The following PTPRD variants were observed in gnomAD, a reference collection of about 807,000 sequenced individuals.
PTPRD encodes receptor-type tyrosine-protein phosphatase delta.
PTPRD carries 34 observed loss-of-function variants against 214.5 expected under a neutral mutation model. That is an observed-to-expected ratio of 0.16 (90% CI 0.12 to 0.21). The LOEUF (loss-of-function observed/expected upper bound fraction) is 0.21, where lower values mean the gene tolerates loss of function less well. Among genes scored for constraint, PTPRD ranks in the 10% least tolerant of loss-of-function variants. The probability of loss-of-function intolerance (pLI) is 1.00; values close to 1 mark genes in which losing one functional copy is unlikely to be tolerated. For synonymous variants in PTPRD, 1,128 were observed against 845.7 expected, an observed-to-expected ratio of 1.33 and a Z score of -5.79; for missense variants, 2,545 against 2,398.7, an observed-to-expected ratio of 1.06 and a Z score of -1.27.
intron 9 of PTPRD, among the ~76,000 whole-genome samples, chr9:9,208,097 C>A (rs1051893319): frequency 5.3e-5 from 7 of 132,978 alleles, no homozygotes; most frequent in Non-Finnish European, 1.1e-4. Flanking sequence ...TCACTGCAAG[C>A]TCCGCCTCCC....
At chr9:10,325,415 C>CTACT (rs1355600150) in intron 3 of PTPRD, among the ~76,000 whole-genome samples, 7 of 151,962 alleles carry the variant, frequency 4.6e-5, no homozygotes, top group Non-Finnish European at 8.8e-5. Flanking sequence ...CAAATACACA[C>CTACT]TACTACAAAC....
intron 7 of PTPRD, among the ~76,000 whole-genome samples, chr9:9,733,445 G>GT (rs776227674): frequency 2.1e-4 from 32 of 152,278 alleles, no homozygotes; most frequent in Non-Finnish European, 3.5e-4. Context: ...CAACATGACA[G>GT]TTTACTATCA....
chr9:9,143,735 T>C (rs2154482099), intron 10 of PTPRD, among the ~76,000 whole-genome samples: 1 of 152,342 alleles, frequency 6.6e-6, no homozygotes, highest in Non-Finnish European at 1.5e-5. Context: ...GAATAAACAG[T>C]TGACTCATCC....
intron 11 of PTPRD, among the ~76,000 whole-genome samples, chr9:8,788,253 A>ATTTTTTT (rs776984034): frequency 9.4e-5 from 8 of 85,258 alleles, no homozygotes; most frequent in African/African-American, 1.6e-4. Context: ...ATATAAGATG[A>ATTTTTTT]TTTTTTTTTT....
At chr9:10,049,441 A>AAAGAAAGAAAGAAAGAAAAG (rs1555515325) in intron 3 of PTPRD, among the ~76,000 whole-genome samples, 3,309 of 110,640 alleles carry the variant, frequency 0.03, 44 homozygotes, top group African/African-American at 0.044. Flanking sequence ...GAAAGAAAAG[A>AAAGAAAGAAAGAAAGAAAAG]AAAAAAAAAA....
chr9:9,259,256 T>C (rs1388445286), intron 9 of PTPRD, among the ~76,000 whole-genome samples: 1 of 151,868 alleles, frequency 6.6e-6, no homozygotes, highest in African/African-American at 2.4e-5. Flanking sequence ...TATAAAAAGC[T>C]ATGTGAGAAA....
At chr9:10,077,150 A>G (rs1000745033) in intron 3 of PTPRD, among the ~76,000 whole-genome samples, 2 of 152,170 alleles carry the variant, frequency 1.3e-5, no homozygotes, top group Admixed American at 6.6e-5. Flanking sequence ...ATAAAATGTT[A>G]TGTAACAATT....
At chr9:9,525,607 A>G (rs1457895563) in intron 8 of PTPRD, among the ~76,000 whole-genome samples, 1 of 152,068 alleles carries the variant, frequency 6.6e-6, no homozygotes, top group Non-Finnish European at 1.5e-5. Flanking sequence ...TTTGTTAAAT[A>G]ATTTTTTTTT....
intron 2 of PTPRD, among the ~76,000 whole-genome samples, chr9:10,451,086 T>C (rs1452964027): frequency 3.3e-5 from 5 of 151,914 alleles, no homozygotes; most frequent in Non-Finnish European, 5.9e-5. Flanking sequence ...TAGTCCACCA[T>C]ATTAAGAGGT....
At chr9:8,633,103 T>A (rs138424948) in intron 14 of PTPRD, among the ~76,000 whole-genome samples, 1 of 151,978 alleles carries the variant, frequency 6.6e-6, no homozygotes, top group Non-Finnish European at 1.5e-5. Context: ...TTTTTTCAGC[T>A]TTTTTACCTC....
Position 9,960,793 on chromosome 9 carries a change from C to T in PTPRD, c.-471-22183G>A, listed in dbSNP as rs188190752. On this transcript the variant is annotated intron_variant, in intron 4 of 45. Coordinates refer to ENST00000381196, the MANE Select transcript of PTPRD (RefSeq NM_002839.4). ...CTAAATATAATGTAATATCCATGAA[C>T]ATTTATTAAAAACAAAGAAAATAGA... Among the ~76,000 whole-genome samples, 310 of 152,176 alleles carry T rather than the reference C, an allele frequency of 2.0e-3. 2 individuals are homozygous for T. Among genetic ancestry groups the T allele is most frequent in the African/African-American group, 6.8e-3 (284 of 41,538 alleles).
intron 9 of PTPRD, among the ~76,000 whole-genome samples, chr9:9,245,413 T>A (rs1276768261): frequency 6.6e-6 from 1 of 152,120 alleles, no homozygotes; most frequent in Non-Finnish European, 1.5e-5. Context: ...ATGTGGCACA[T>A]ATACACCACG....
At chr9:9,511,414 G>A (rs2096705720) in intron 8 of PTPRD, among the ~76,000 whole-genome samples, 1 of 151,664 alleles carries the variant, frequency 6.6e-6, no homozygotes, top group Non-Finnish European at 1.5e-5. Context: ...CATATTTTCA[G>A]CTGTCAAATG....
intron 3 of PTPRD, among the ~76,000 whole-genome samples, chr9:10,169,121 T>G (rs2099181378): frequency 6.6e-6 from 1 of 152,124 alleles, no homozygotes; most frequent in African/African-American, 2.4e-5. Flanking sequence ...AGTTAACCCC[T>G]TACTCCCATC....
At chr9:10,560,621 T>C (rs2063713421) in intron 2 of PTPRD, among the ~76,000 whole-genome samples, 2 of 149,202 alleles carry the variant, frequency 1.3e-5, no homozygotes, top group Non-Finnish European at 3.0e-5. Context: ...TTTAATCAAA[T>C]ATGGAGTAAG....
intron 35 of PTPRD, among the ~76,000 whole-genome samples, chr9:8,417,712 C>T (rs2094045169): frequency 6.6e-6 from 1 of 152,070 alleles, no homozygotes; most frequent in Non-Finnish European, 1.5e-5. Flanking sequence ...GTGAGAGAGA[C>T]AGCTACAAGA....
intron 8 of PTPRD, among the ~76,000 whole-genome samples, chr9:9,563,843 T>G (rs1011741081): frequency 2.0e-5 from 3 of 152,160 alleles, no homozygotes; most frequent in Admixed American, 2.0e-4. Flanking sequence ...ACAACCAACA[T>G]GCTTTACCTG....
At chr9:10,572,689 T>A (rs1022472594) in intron 2 of PTPRD, among the ~76,000 whole-genome samples, 16 of 152,168 alleles carry the variant, frequency 1.1e-4, no homozygotes, top group African/African-American at 3.9e-4. Context: ...TTAATTTACA[T>A]AGAATATTTA....
At chr9:9,486,099 C>T (rs1006952995) in intron 8 of PTPRD, among the ~76,000 whole-genome samples, 13 of 124,146 alleles carry the variant, frequency 1.0e-4, no homozygotes, top group African/African-American at 4.0e-4. Flanking sequence ...TGTGGTGAGT[C>T]GAGATCACGC....
Sources: gnomAD v4.1 joint callset for allele counts (sites outside exome capture counted in the v4.1 genomes callset) on GRCh38, gnomAD v4.1.1 for gene constraint, MANE v1.5 for transcripts, NCBI Gene and HGNC (gene_info 2026-07-23, HGNC 2026-07-21) for gene names.